The following DCUN1D4 variants were observed in gnomAD, a reference collection of about 807,000 sequenced individuals.
DCUN1D4 encodes the protein defective in cullin neddylation 1 domain containing 4, also known as DCN1-like protein 4.
A neutral mutation model predicts 47.9 loss-of-function variants in DCUN1D4; 22 were observed. The ratio of observed to expected loss-of-function variants is 0.46; its 90% CI spans 0.33 to 0.66. DCUN1D4 has a LOEUF of 0.66. Among genes scored for constraint, DCUN1D4 ranks in the 30% least tolerant of loss-of-function variants. The probability of loss-of-function intolerance (pLI) is 0.02; values close to 1 mark genes in which losing one functional copy is unlikely to be tolerated. For synonymous variants in DCUN1D4, 121 were observed against 112.2 expected, an observed-to-expected ratio of 1.08 and a Z score of -0.50; for missense variants, 301 against 340.8, an observed-to-expected ratio of 0.88 and a Z score of 0.92.
At chr4:51,898,267 A>G (rs966025906) in intron 7 of DCUN1D4, among the ~76,000 whole-genome samples, 11 of 152,190 alleles carry the variant, frequency 7.2e-5, no homozygotes, top group Non-Finnish European at 1.5e-4. Flanking sequence ...GTGAGGACCC[A>G]TGGGCAAGTG....
chr4:51,886,443 GA>G, intron 5 of DCUN1D4, 124 bp from the exon 6 acceptor site: 1 of 723,008 alleles, frequency 1.4e-6, no homozygotes, highest in Non-Finnish European at 2.2e-6. Flanking sequence ...ACTTAGACTT[GA>G]TTTTTTTTTC....
At chr4:51,856,081 GT>G in intron 1 of DCUN1D4, among the ~76,000 whole-genome samples, 1 of 152,280 alleles carries the variant, frequency 6.6e-6, no homozygotes, top group Middle Eastern at 3.4e-3. Context: ...TCGTGTTCTT[GT>G]TCTGTTCCAG....
chr4:51,893,417 T>G (rs1730754078), intron 7 of DCUN1D4, among the ~76,000 whole-genome samples: 1 of 151,972 alleles, frequency 6.6e-6, no homozygotes, highest in Admixed American at 6.6e-5. Context: ...TCCTTTTTCT[T>G]TTCTTTTCTT....
At chr4:51,874,561 AC>A (rs1372764890) in intron 4 of DCUN1D4, among the ~76,000 whole-genome samples, 176 bp downstream of exon 4, 1 of 152,228 alleles carries the variant, frequency 6.6e-6, no homozygotes, top group Non-Finnish European at 1.5e-5. Flanking sequence ...TAGTTTAAAA[AC>A]GTAAGAACAA....
At chr4:51,906,112 C>T (rs1485091796) in intron 8 of DCUN1D4, among the ~76,000 whole-genome samples, 4 of 152,086 alleles carry the variant, frequency 2.6e-5, no homozygotes, top group Admixed American at 2.0e-4. Flanking sequence ...CTTGTGGAGG[C>T]AGAACACTCA....
intron 3 of DCUN1D4, among the ~76,000 whole-genome samples, chr4:51,872,837 C>T (rs75775313): frequency 0.033 from 4,965 of 152,266 alleles, 97 homozygotes; most frequent in Middle Eastern, 0.054. Context: ...GAATAGTGTC[C>T]TGAGAGTTCA....
At chr4:51,888,272 C>T (rs1357328622) in intron 6 of DCUN1D4, among the ~76,000 whole-genome samples, 3 of 152,104 alleles carry the variant, frequency 2.0e-5, no homozygotes, top group Non-Finnish European at 4.4e-5. Flanking sequence ...GAGGGATTAG[C>T]TGAGCATTTA....
intron 3 of DCUN1D4, among the ~76,000 whole-genome samples, chr4:51,872,933 C>T (rs139197495): frequency 1.3e-5 from 2 of 152,358 alleles, no homozygotes; most frequent in East Asian, 1.9e-4. Flanking sequence ...TTCAGCAACA[C>T]CCGAACACAA....
chr4:51,885,025 T>G (rs538136306), intron 5 of DCUN1D4: 1 of 152,288 alleles, frequency 6.6e-6, no homozygotes, highest in South Asian at 2.1e-4. Context: ...CATTTACTTC[T>G]GAGAAACTTG....
At chr4:51,908,683 G>A (rs1489506003) in intron 8 of DCUN1D4, among the ~76,000 whole-genome samples, 1 of 151,986 alleles carries the variant, frequency 6.6e-6, no homozygotes, top group East Asian at 1.9e-4. Flanking sequence ...CCCCTTTGCA[G>A]AGAATGTCAT....
In DCUN1D4 at chr4:51,886,594, G is replaced by A. The variant is rs1298655348; in HGVS notation, c.370G>A (p.Gly124Ser). ...AACTGATGATGTTGTAGGCCCTGAA[G>A]GCATGGAGAAATTTTGTGAAGACAT... ...AGTDDVVGPE[G>S]MEKFCEDIGV... is the part of the protein sequence containing the mutation. The change falls in exon 6 of 11, where the codon GGC (glycine) becomes AGC (serine). Residue 124 changes from glycine (G) to serine (S), a missense_variant. Around this residue, in one of 2 missense-constraint regions of DCUN1D4, gnomAD observed 170 missense variants for 234.5 expected, o/e 0.73. Coordinates refer to ENST00000334635, the MANE Select transcript of DCUN1D4 (RefSeq NM_001040402.3). The A allele has an allele frequency of 1.2e-6, 2 of 1,613,854 alleles. No individual in the cohort carries two copies. Among genetic ancestry groups the A allele is most frequent in the African/African-American group, 2.7e-5 (2 of 74,904 alleles).
At chr4:51,852,044 A>G (rs916747579) in intron 1 of DCUN1D4, among the ~76,000 whole-genome samples, 14 of 152,058 alleles carry the variant, frequency 9.2e-5, no homozygotes, top group Non-Finnish European at 1.5e-5. Flanking sequence ...TCACTGGCCT[A>G]TGAATGATGC....
At chr4:51,902,738 G>A (rs192075722) in intron 8 of DCUN1D4, among the ~76,000 whole-genome samples, 133 of 152,130 alleles carry the variant, frequency 8.7e-4, no homozygotes, top group African/African-American at 2.8e-3. Flanking sequence ...TTATTGGTAT[G>A]GACAAAATTT....
intron 1 of DCUN1D4, among the ~76,000 whole-genome samples, chr4:51,855,750 T>C (rs1724038184): frequency 1.3e-5 from 2 of 152,186 alleles, no homozygotes; most frequent in Admixed American, 6.5e-5. Flanking sequence ...AACATCTCAG[T>C]GATTCAAGTA....
intron 3 of DCUN1D4, among the ~76,000 whole-genome samples, chr4:51,864,021 G>GTAAT (rs1725509963): frequency 6.6e-6 from 1 of 152,116 alleles, no homozygotes; most frequent in Non-Finnish European, 1.5e-5. Context: ...CAATTTGAAA[G>GTAAT]GTATTCCACA....
chr4:51,837,512 G>C, the DCUN1D4 span, among the ~76,000 whole-genome samples: 28 of 151,878 alleles, frequency 1.8e-4, no homozygotes, highest in Admixed American at 1.8e-3. Context: ...AGAATTAGCC[G>C]GGCGCAGTGG....
In DCUN1D4 at chr4:51,863,328, T is replaced by G. The variant is rs1725370520; in HGVS notation, c.26-109T>G. On this transcript the variant is annotated intron_variant, in intron 1 of 10. Transcript: ENST00000334635. Reference sequence around the variant, plus strand: ...TTTTTAAAAAACTTTAGTGTCAAATTAATTGAGATAGTATTTAATTATATC... The same window carrying G: ...TTTTTAAAAAACTTTAGTGTCAAATGAATTGAGATAGTATTTAATTATATC... The G allele has an allele frequency of 1.1e-5, 10 of 880,258 alleles. No individual in the cohort carries two copies. The South Asian group carries it at 1.6e-4, about 14-fold the overall frequency. The allele number at this position is 880,258 out of a possible 1,614,324, so 54.5% of individuals were successfully genotyped here.
intron 3 of DCUN1D4, among the ~76,000 whole-genome samples, chr4:51,867,538 C>G (rs1038721022): frequency 6.6e-6 from 1 of 152,142 alleles, no homozygotes; most frequent in South Asian, 2.1e-4. Flanking sequence ...GTGGGTAGCT[C>G]TTTTCTGCAG....
At chr4:51,910,862 A>C (rs977910248) in intron 8 of DCUN1D4, 1 of 559,328 alleles carries the variant, frequency 1.8e-6, no homozygotes, top group Non-Finnish European at 3.1e-6. Flanking sequence ...TCTTTCTCAC[A>C]GTAAATTTAT....
Sources: gnomAD v4.1 joint callset for allele counts (sites outside exome capture counted in the v4.1 genomes callset) on GRCh38, gnomAD v4.1.1 for gene constraint, gnomAD v4.1.1 regional missense constraint, MANE v1.5 for transcripts, NCBI Gene and HGNC (gene_info 2026-07-23, HGNC 2026-07-21) for gene names.